The following TTC3 variants were observed in gnomAD, a reference collection of about 807,000 sequenced individuals.
TTC3 encodes the protein tetratricopeptide repeat domain 3.
TTC3 carries 180 observed loss-of-function variants against 249.6 expected under a neutral mutation model. The ratio of observed to expected loss-of-function variants is 0.72; its 90% CI spans 0.64 to 0.82. The LOEUF (loss-of-function observed/expected upper bound fraction) is 0.82, where lower values mean the gene tolerates loss of function less well. TTC3 is among the 40% of genes least tolerant of loss of function. The pLI, the probability that TTC3 is intolerant of heterozygous loss-of-function variation, is 0.00. For missense variants in TTC3, 2,061 were observed against 2,398.4 expected (o/e 0.86, Z 2.94); for synonymous variants, 717 against 805.0 (o/e 0.89, Z 1.85).
chr21:37,101,196 A>C (rs1169233289), intron 10 of TTC3: 1 of 152,246 alleles, frequency 6.6e-6, no homozygotes, highest in East Asian at 1.9e-4. Flanking sequence ...TTTACCCATC[A>C]CATGATAACT....
At position 37,153,087 on chromosome 21, in the gene TTC3, T is replaced by G. The variant is rs757074492; in HGVS notation, c.2550T>G (p.Val850=). 5 of 1,613,808 alleles carry G rather than the reference T, an allele frequency of 3.1e-6. No homozygotes were observed. In the South Asian group the frequency reaches 5.5e-5, roughly 18 times the overall value. The stretch of plus-strand genomic sequence containing the variant: ...TCAAAGAATTGCTTTCTTGGAAAGT[T>G]TTGAGCACAGAAGACTATACAACCT... Residue 850 remains valine (V), a synonymous_variant, in exon 27 of 46, where the codon GTT becomes GTG. Transcript: ENST00000355666.
intron 11 of TTC3, among the ~76,000 whole-genome samples, chr21:37,112,872 C>T (rs1331895831): frequency 2.6e-5 from 4 of 152,206 alleles, no homozygotes; most frequent in Non-Finnish European, 5.9e-5. Context: ...CCCTGGGATG[C>T]AAGGCCGGTT....
chr21:37,175,667 T>A (rs1170793509), intron 35 of TTC3, among the ~76,000 whole-genome samples: 1 of 151,782 alleles, frequency 6.6e-6, no homozygotes, highest in Non-Finnish European at 1.5e-5. Context: ...CGAGGTATTA[T>A]ATATAGCTGA....
At chr21:37,160,910 G>T (rs1214697031) in intron 30 of TTC3, 52 bp downstream of exon 30, 10 of 1,547,256 alleles carry the variant, frequency 6.5e-6, no homozygotes, top group South Asian at 1.2e-5. Flanking sequence ...AAAATAGTTA[G>T]TTGGACATAT....
chr21:37,149,020 T>G (rs1381702793), intron 23 of TTC3, among the ~76,000 whole-genome samples: 3 of 152,166 alleles, frequency 2.0e-5, no homozygotes, highest in Non-Finnish European at 2.9e-5. Flanking sequence ...GAATTAGGGA[T>G]TTCAAAACCA....
At chr21:37,147,206 C>T (rs1369357852) in intron 21 of TTC3, among the ~76,000 whole-genome samples, 8 of 152,036 alleles carry the variant, frequency 5.3e-5, no homozygotes, top group Admixed American at 1.3e-4. Flanking sequence ...TTATAAAATG[C>T]GATTTGATGA....
In TTC3 at chr21:37,165,636, A is replaced by C. The variant is rs1196243050; in HGVS notation, c.3422A>C (p.Glu1141Ala). 3 of 1,614,066 alleles carry C rather than the reference A, an allele frequency of 1.9e-6. No individual in the cohort carries two copies. The African/African-American group carries it at 4.0e-5, about 22-fold the overall frequency. The stretch of plus-strand genomic sequence containing the variant: ...GCAGAATATGAGTTTTTCCCAGAAG[A>C]AACTCGACAGATACTAGAAAAAGCA... The change falls in exon 33 of 46, where the codon GAA becomes GCA. Residue 1141 changes from glutamate to alanine, a missense_variant. Around this residue, in one of 3 missense-constraint regions of TTC3, gnomAD observed 1,040 missense variants for 1,186.1 expected, o/e 0.88. Coordinates refer to ENST00000355666, the Ensembl canonical transcript of TTC3.
intron 21 of TTC3, 61 bp downstream of exon 21, chr21:37,144,706 C>A: frequency 6.4e-7 from 1 of 1,560,484 alleles, no homozygotes; most frequent in Admixed American, 1.9e-5. Context: ...TTGACTGACT[C>A]AGGTATCAGG....
chr21:37,095,629 G>T, intron 9 of TTC3, 185 bp downstream of exon 9: 1 of 411,774 alleles, frequency 2.4e-6, no homozygotes, highest in Non-Finnish European at 4.3e-6. Context: ...TAACGTAGTA[G>T]CATAACTCAA....
exon 33 of TTC3, chr21:37,166,272 C>T (rs762722233): frequency 2.6e-5 from 42 of 1,614,212 alleles, no homozygotes; most frequent in Non-Finnish European, 3.4e-5. Context: ...ACACCCTTGG[C>T]CAGCCTTTCT....
intron 10 of TTC3, among the ~76,000 whole-genome samples, chr21:37,107,204 A>T (rs2075169003): frequency 6.6e-6 from 1 of 152,104 alleles, no homozygotes; most frequent in African/African-American, 2.4e-5. Flanking sequence ...ATGTGAAATG[A>T]TGAACCAGCA....
intron 11 of TTC3, among the ~76,000 whole-genome samples, chr21:37,113,878 G>A (rs1027279379): frequency 5.3e-5 from 8 of 152,008 alleles, no homozygotes; most frequent in African/African-American, 1.9e-4. Flanking sequence ...CTCAGAAATA[G>A]TGCCACATAT....
At chr21:37,139,128 A>G (rs2078207150) in intron 19 of TTC3, among the ~76,000 whole-genome samples, 1 of 152,182 alleles carries the variant, frequency 6.6e-6, no homozygotes, top group African/African-American at 2.4e-5. Flanking sequence ...GTTTATATAA[A>G]ATTTAAGATA....
At chr21:37,165,522 A>G in intron 32 of TTC3, 28 bp from the exon 33 acceptor site, 1 of 1,534,428 alleles carries the variant, frequency 6.5e-7, no homozygotes, top group Non-Finnish European at 8.8e-7. Flanking sequence ...CCTTATAGTA[A>G]CTCATGTAAA....
chr21:37,180,953 GA>G, intron 35 of TTC3, among the ~76,000 whole-genome samples: 1 of 152,008 alleles, frequency 6.6e-6, no homozygotes, highest in Non-Finnish European at 1.5e-5. Flanking sequence ...TCCTAATTGA[GA>G]AAAAGAAATT....
chr21:37,099,881 A>G (rs2074307029), intron 10 of TTC3, among the ~76,000 whole-genome samples: 1 of 152,228 alleles, frequency 6.6e-6, no homozygotes, highest in Admixed American at 6.5e-5. Context: ...AAACGACCTA[A>G]ATGGCCATCA....
chr21:37,189,340 G>T (rs1405183565), intron 39 of TTC3, among the ~76,000 whole-genome samples: 1 of 151,058 alleles, frequency 6.6e-6, no homozygotes, highest in Non-Finnish European at 1.5e-5. Flanking sequence ...CTGCCTCCTG[G>T]GTTCAAGCGA....
chr21:37,151,130 A>G (rs530979926), intron 25 of TTC3, among the ~76,000 whole-genome samples: 1 of 152,282 alleles, frequency 6.6e-6, no homozygotes, highest in East Asian at 1.9e-4. Context: ...TAAAATTATA[A>G]CATTTGATGC....
intron 35 of TTC3, among the ~76,000 whole-genome samples, chr21:37,180,748 C>T (rs1602045632): frequency 9.7e-6 from 1 of 102,618 alleles, no homozygotes; most frequent in Middle Eastern, 5.2e-3. Context: ...TACCCTAAAA[C>T]TTAAAGTATA....
Sources: allele counts gnomAD v4.1 joint callset (sites outside exome capture counted in the v4.1 genomes callset), GRCh38; gene constraint gnomAD v4.1.1; regional missense constraint gnomAD v4.1.1; transcripts MANE v1.5; gene names NCBI Gene and HGNC (gene_info 2026-07-23, HGNC 2026-07-21).